Variants in ADRA1D observed in about 807,000 individuals in gnomAD.
The protein encoded by ADRA1D is alpha-1D adrenergic receptor.
ADRA1D carries 22 observed loss-of-function variants against 18.6 expected under a neutral mutation model. That is an observed-to-expected ratio of 1.19 (90% CI 0.85 to 1.69). ADRA1D has a LOEUF of 1.69. Among genes scored for constraint, ADRA1D ranks in the 40% most tolerant of loss-of-function variants. The probability of loss-of-function intolerance (pLI) is 0.00; values close to 1 mark genes in which losing one functional copy is unlikely to be tolerated. For synonymous variants in ADRA1D, 376 were observed against 388.2 expected, an observed-to-expected ratio of 0.97 and a Z score of 0.37; for missense variants, 840 against 840.7, an observed-to-expected ratio of 1.00 and a Z score of 0.01.
intron 1 of ADRA1D, among the ~76,000 whole-genome samples, chr20:4,245,304 G>C (rs770202840): frequency 6.6e-6 from 1 of 152,180 alleles, no homozygotes; most frequent in East Asian, 1.9e-4. Context: ...ACGGTGATAC[G>C]CATGGCAAGG....
Position 4,248,886 on chromosome 20 carries a change from G to C in ADRA1D, c.72C>G (p.Ser24Arg). 8.6e-7 allele frequency: 1 copy of C among 1,164,056 alleles called. No individual in the cohort carries two copies. Among genetic ancestry groups the C allele is most frequent in the Non-Finnish European group, 1.1e-6 (1 of 942,158 alleles). The allele number at this position is 1,164,056 out of a possible 1,614,324, so 72.1% of individuals were successfully genotyped here. ...CCGCGCTGCCCCCGCCGCCGCCCGC[G>C]CTGGAGCCCCCTGCGCTGCTGTCCG... ...PRPDSSAGGS[S>R]AGGGGGSAGG... Residue 24 changes from serine to arginine, a missense_variant, in exon 1 of 2, where the codon AGC (serine) becomes AGG (arginine). Physicochemically the swap from Ser to Arg is moderately radical, Grantham distance 110. Transcript: ENST00000379453.
rs1434286765 is a variant in ADRA1D at position 4,222,038 on chromosome 20, A to G, written c.1204T>C (p.Tyr402His). ...TTGAACTCGCGGCTGGAACAGGGGT[A>G]GATGAGCGGGTTCACGCAGCTGTTG... ...YFNSCVNPLI[Y>H]PCSSREFKRA... is the part of the protein sequence containing the mutation. Residue 402 changes from tyrosine (Y) to histidine (H), a missense_variant, in exon 2 of 2, where the codon TAC becomes CAC. Tyr to His is a moderately conservative substitution (Grantham distance 83, BLOSUM62 2). Transcript: ENST00000379453. This position sits in a 1 kb window ranked among gnomAD's most constrained non-coding sequence, Gnocchi z 4.3. 4 of 1,611,582 alleles carry G rather than the reference A, an allele frequency of 2.5e-6. No homozygotes were observed. Among genetic ancestry groups the G allele is most frequent in the Non-Finnish European group, 3.4e-6 (4 of 1,179,046 alleles).
In ADRA1D at chr20:4,221,828, G is replaced by C; in HGVS notation, c.1414C>G (p.Pro472Ala). 1 of 1,501,310 alleles carries C rather than the reference G, an allele frequency of 6.7e-7. No individual in the cohort carries two copies. The highest frequency in any genetic ancestry group is 1.4e-5 in the African/African-American group (1 of 70,306). The allele number at this position is 1,501,310 out of a possible 1,614,324, so 93.0% of individuals were successfully genotyped here. Reference protein sequence around the residue: ...LALTALPDPDPEPPGTPEMQA... With the variant: ...LALTALPDPDAEPPGTPEMQA... ...ATCTCGGGCGTGCCTGGGGGTTCGG[G>C]GTCGGGGTCGGGGAGCGCGGTGAGG... Residue 472 changes from proline (P) to alanine (A), a missense_variant, in exon 2 of 2, where the codon CCC (proline) becomes GCC (alanine). Transcript: ENST00000379453.
At chr20:4,234,169 A>G (rs1235631941) in intron 1 of ADRA1D, among the ~76,000 whole-genome samples, 1 of 152,226 alleles carries the variant, frequency 6.6e-6, no homozygotes, top group Non-Finnish European at 1.5e-5. Flanking sequence ...ATCATAAGCC[A>G]GTCCATTTTC....
At position 4,248,331 on chromosome 20, in the gene ADRA1D, G is replaced by T. The variant is rs554410011; in HGVS notation, c.627C>A (p.Thr209=). ...CCAGGATGGCGGCCGCCTTGCGCTC[G>T]GTCATGATGGCTGGGTACTTGAGTG... ...RHSLKYPAIM[T]ERKAAAILAL... The change falls in exon 1 of 2, where the codon ACC becomes ACA. Residue 209 remains threonine (T), a synonymous_variant. Coordinates refer to ENST00000379453, the MANE Select transcript of ADRA1D (RefSeq NM_000678.4). 16 of 1,605,396 alleles carry T rather than the reference G, an allele frequency of 1.0e-5. No individual in the cohort carries two copies. The highest frequency in any genetic ancestry group is 1.4e-5 in the Non-Finnish European group (16 of 1,176,288).
chr20:4,243,015 C>T (rs936835774), intron 1 of ADRA1D, among the ~76,000 whole-genome samples: 1 of 152,052 alleles, frequency 6.6e-6, no homozygotes, highest in Non-Finnish European at 1.5e-5. Flanking sequence ...TCTGGAGGCT[C>T]CCGGGAGAGG....
rs538136517 is a variant in ADRA1D at position 4,236,422 on chromosome 20, A to G, written c.1111+11425T>C. Among the ~76,000 whole-genome samples, 4 of 152,306 alleles carry G rather than the reference A, an allele frequency of 2.6e-5. No homozygotes were observed. The South Asian group carries it at 8.3e-4, about 32-fold the overall frequency. On this transcript the variant is annotated intron_variant, in intron 1 of 1. Transcript: ENST00000379453. The stretch of plus-strand genomic sequence containing the variant: ...GACTGAGGGATGTTTGGGAGGTTGG[A>G]GTGTCTGAGTGGGGCATGAGGAGGA...
chr20:4,222,264 T>TAAATC lies in ADRA1D; in HGVS notation c.1112-139_1112-135dup. 7.9e-7 allele frequency: 1 copy of TAAATC among 1,268,954 alleles called. No individual in the cohort carries two copies. The highest frequency in any genetic ancestry group is 1.0e-6 in the Non-Finnish European group (1 of 953,572). The allele number at this position is 1,268,954 out of a possible 1,614,324, so 78.6% of individuals were successfully genotyped here. A position where few individuals can be genotyped will look rare whatever the true frequency, so the allele number is the denominator to read the frequency against. ...AGGAGTTCTCAAGGGATCCGTGCTG[T>TAAATC]AAATCAGGAGGTCCATGAACTTGGA... On this transcript the variant is annotated intron_variant, in intron 1 of 1. Transcript: ENST00000379453. The surrounding 1 kb of genome is among the most constrained non-coding windows in gnomAD (Gnocchi z 4.3).
chr20:4,234,741 G>A (rs940184269), intron 1 of ADRA1D, among the ~76,000 whole-genome samples: 2 of 152,190 alleles, frequency 1.3e-5, no homozygotes, highest in Admixed American at 6.5e-5. Flanking sequence ...AAGGGTCAGC[G>A]AGCCTCTCTA....
intron 1 of ADRA1D, among the ~76,000 whole-genome samples, chr20:4,232,748 C>T (rs541061161): frequency 5.9e-5 from 9 of 152,162 alleles, no homozygotes; most frequent in Non-Finnish European, 8.8e-5. Flanking sequence ...GGACAACTGC[C>T]CTCAGTCAAT....
intron 1 of ADRA1D, among the ~76,000 whole-genome samples, chr20:4,235,513 T>C (rs1411792342): frequency 6.6e-6 from 1 of 152,250 alleles, no homozygotes; most frequent in Non-Finnish European, 1.5e-5. Context: ...GGTCTTGGAA[T>C]GGCCACACCC....
intron 1 of ADRA1D, among the ~76,000 whole-genome samples, chr20:4,238,048 G>T (rs927366320): frequency 6.8e-5 from 10 of 146,722 alleles, no homozygotes; most frequent in East Asian, 2.2e-4. Flanking sequence ...AGGAGTTTGA[G>T]ACCAGCCTGG....
chr20:4,228,589 T>A (rs835881), intron 1 of ADRA1D, among the ~76,000 whole-genome samples: 8,035 of 152,268 alleles, frequency 0.053, 517 homozygotes, highest in African/African-American at 0.15. Context: ...ACCTACAGTG[T>A]AACCTTTCCT....
At chr20:4,241,757 C>T (rs1981219473) in intron 1 of ADRA1D, among the ~76,000 whole-genome samples, 1 of 152,182 alleles carries the variant, frequency 6.6e-6, no homozygotes, top group Non-Finnish European at 1.5e-5. Context: ...CCTTTAGCAC[C>T]TGGCCGACTC....
At chr20:4,232,548 G>T (rs556027759) in intron 1 of ADRA1D, among the ~76,000 whole-genome samples, 12 of 152,198 alleles carry the variant, frequency 7.9e-5, no homozygotes, top group Non-Finnish European at 1.3e-4. Flanking sequence ...TTGCTAGCTG[G>T]AGAGAGTATC....
chr20:4,221,464 C>T lies in ADRA1D; in HGVS notation c.*59G>A, dbSNP rs1600843310. ...CGGGGGCTCTTAGAACACCAGCCCG[C>T]CTCTCTGGTCCCCCTTACCCCCAAG... On this transcript the variant is annotated 3_prime_UTR_variant, in exon 2 of 2. Transcript: ENST00000379453. The T allele has an allele frequency of 3.3e-6, 5 of 1,523,706 alleles. No individual in the cohort carries two copies. The Admixed American group carries it at 6.0e-5, about 18-fold the overall frequency. 94.4% of individuals were successfully genotyped at this position (1,523,706 alleles called of 1,614,324 possible). A position where few individuals can be genotyped will look rare whatever the true frequency, so the allele number is the denominator to read the frequency against.
Position 4,221,461 on chromosome 20 carries a change from C to T in ADRA1D, c.*62G>A, listed in dbSNP as rs576161338. On this transcript the variant is annotated 3_prime_UTR_variant, in exon 2 of 2. Transcript: ENST00000379453. ...GCACGGGGGCTCTTAGAACACCAGC[C>T]CGCCTCTCTGGTCCCCCTTACCCCC... 4.1e-5 allele frequency: 62 copies of T among 1,518,272 alleles called. No individual in the cohort carries two copies. The highest frequency in any genetic ancestry group is 6.1e-5 in the Admixed American group (3 of 49,534). 94.1% of individuals were successfully genotyped at this position (1,518,272 alleles called of 1,614,324 possible).
Position 4,222,609 on chromosome 20 carries a change from T to G in ADRA1D, c.1112-479A>C, listed in dbSNP as rs536835919. Reference sequence around the variant, plus strand: ...CCGCCTCCCTGCCACATCTCCTGTCTGAGTCACTGTTTTCCTGAAATGATA... The same window carrying G: ...CCGCCTCCCTGCCACATCTCCTGTCGGAGTCACTGTTTTCCTGAAATGATA... On this transcript the variant is annotated intron_variant, in intron 1 of 1. Transcript: ENST00000379453. This position sits in a 1 kb window ranked among gnomAD's most constrained non-coding sequence, Gnocchi z 4.3. Among the ~76,000 whole-genome samples the G allele has an allele frequency of 2.4e-4, 36 of 152,336 alleles. No homozygotes were observed. The highest frequency in any genetic ancestry group is 8.7e-4 in the African/African-American group (36 of 41,576).
chr20:4,222,360 A>C lies in ADRA1D; in HGVS notation c.1112-230T>G, dbSNP rs1387284266. On this transcript the variant is annotated intron_variant, in intron 1 of 1. Transcript: ENST00000379453. The surrounding 1 kb of genome is among the most constrained non-coding windows in gnomAD (Gnocchi z 4.3). ...AGGATTACCTTCAATGAATGTAGGCAACAAACCAGAGTAGAGTTAGACAAA... is the reference window on the plus strand; with the variant it reads ...AGGATTACCTTCAATGAATGTAGGCCACAAACCAGAGTAGAGTTAGACAAA... 2.0e-6 allele frequency: 1 copy of C among 508,844 alleles called. No homozygotes were observed. Among genetic ancestry groups the C allele is most frequent in the Non-Finnish European group, 3.2e-6 (1 of 316,476 alleles). 31.5% of individuals were successfully genotyped at this position (508,844 alleles called of 1,614,324 possible).
Sources: allele counts gnomAD v4.1 joint callset (sites outside exome capture counted in the v4.1 genomes callset), GRCh38; gene constraint gnomAD v4.1.1; non-coding constraint Gnocchi (gnomAD v3.1); transcripts MANE v1.5; gene names NCBI Gene and HGNC (gene_info 2026-07-23, HGNC 2026-07-21).